TTC3: variants seen among roughly 807,000 people sequenced by gnomAD.
The protein encoded by TTC3 is E3 ubiquitin-protein ligase TTC3.
TTC3 carries 180 observed loss-of-function variants against 249.6 expected under a neutral mutation model. That is an observed-to-expected ratio of 0.72 (90% CI 0.64 to 0.82). The LOEUF is 0.82. Ranked by LOEUF, TTC3 falls within the 40% of genes least tolerant of loss-of-function variation. TTC3 has a pLI of 0.00. For missense variants in TTC3, 2,061 were observed against 2,398.4 expected (o/e 0.86, Z 2.94); for synonymous variants, 717 against 805.0 (o/e 0.89, Z 1.85).
Position 37,082,807 on chromosome 21 carries a change from CTTTAT to C in TTC3, c.-11-4435_-11-4431del, listed in dbSNP as rs1420378705. ...ACCATAACTGATGGGATCAGAAGCT[CTTTAT>C]TTTAATATTTAATTTTAGTAGTATA... On this transcript the variant is annotated intron_variant, in intron 1 of 45. Coordinates refer to ENST00000355666, the Ensembl canonical transcript of TTC3. 15 of 974,350 alleles carry C rather than the reference CTTTAT, an allele frequency of 1.5e-5. No homozygotes were observed. The East Asian group carries it at 6.8e-4, about 44-fold the overall frequency. The allele number at this position is 974,350 out of a possible 1,614,324, so 60.4% of individuals were successfully genotyped here. A position where few individuals can be genotyped will look rare whatever the true frequency, so the allele number is the denominator to read the frequency against.
At chr21:37,199,638 A>G (rs1329387491) in intron 44 of TTC3, among the ~76,000 whole-genome samples, 3 of 152,270 alleles carry the variant, frequency 2.0e-5, no homozygotes, top group Non-Finnish European at 2.9e-5. Flanking sequence ...AGAAAATAGT[A>G]AAGAAAAAGA....
intron 1 of TTC3, among the ~76,000 whole-genome samples, chr21:37,080,395 G>A (rs1400225552): frequency 2.0e-5 from 3 of 148,824 alleles, no homozygotes; most frequent in Non-Finnish European, 3.0e-5. Flanking sequence ...CTTGCTTTAT[G>A]GCCTTGTACA....
chr21:37,185,749 C>T, exon 37 of TTC3: 1 of 1,554,686 alleles, frequency 6.4e-7, no homozygotes, highest in Non-Finnish European at 8.7e-7. Flanking sequence ...ACATGAATTA[C>T]ATCTGGATCA....
intron 1 of TTC3, chr21:37,082,845 T>C: frequency 2.1e-6 from 2 of 971,330 alleles, no homozygotes; most frequent in Non-Finnish European, 2.4e-6. Context: ...ATATTTTTGT[T>C]TGATTGTATT....
chr21:37,176,519 A>G (rs1287953079), intron 35 of TTC3, among the ~76,000 whole-genome samples: 5 of 152,178 alleles, frequency 3.3e-5, no homozygotes, highest in Admixed American at 6.5e-5. Context: ...CTGTATTAGA[A>G]CAGAATCTTG....
At chr21:37,190,132 T>C (rs1253688596) in intron 39 of TTC3, among the ~76,000 whole-genome samples, 3 of 27,468 alleles carry the variant, frequency 1.1e-4, no homozygotes, top group Non-Finnish European at 1.8e-4. Flanking sequence ...TTTTCTTTCT[T>C]TTTTTTTTTT....
intron 13 of TTC3, among the ~76,000 whole-genome samples, chr21:37,124,392 C>T (rs1452479911): frequency 6.6e-6 from 1 of 152,124 alleles, no homozygotes; most frequent in Non-Finnish European, 1.5e-5. Flanking sequence ...GCTGGAATTA[C>T]AGGCGTGAAC....
At chr21:37,123,063 A>G (rs1055815300) in intron 13 of TTC3, 35 bp downstream of exon 13, 1 of 1,602,258 alleles carries the variant, frequency 6.2e-7, no homozygotes, top group Non-Finnish European at 8.6e-7. Flanking sequence ...TGCTACTACT[A>G]GGAATGGCTT....
At chr21:37,105,359 G>T (rs948199150) in intron 10 of TTC3, among the ~76,000 whole-genome samples, 6 of 152,128 alleles carry the variant, frequency 3.9e-5, no homozygotes, top group African/African-American at 1.4e-4. Context: ...TGGCACTAGG[G>T]TTGTATATTC....
chr21:37,110,800 A>G (rs1188808239), intron 11 of TTC3, among the ~76,000 whole-genome samples: 1 of 152,246 alleles, frequency 6.6e-6, no homozygotes, highest in African/African-American at 2.4e-5. Flanking sequence ...AAGGGCAGCC[A>G]GAGAGAAAGG....
chr21:37,164,055 C>A (rs1327717237), exon 32 of TTC3: 1 of 1,599,332 alleles, frequency 6.3e-7, no homozygotes, highest in Non-Finnish European at 8.5e-7. Context: ...TACCAGCAAT[C>A]GAAATTCAGA....
At chr21:37,136,688 G>T (rs529888050) in intron 18 of TTC3, among the ~76,000 whole-genome samples, 1 of 152,346 alleles carries the variant, frequency 6.6e-6, no homozygotes, top group South Asian at 2.1e-4. Context: ...TGGAGAAGCT[G>T]CAGTAAGTTA....
chr21:37,155,469 G>A (rs967790287), intron 27 of TTC3, among the ~76,000 whole-genome samples: 1 of 152,168 alleles, frequency 6.6e-6, no homozygotes. Flanking sequence ...TATTGTGTGA[G>A]TATTCTACAT....
At chr21:37,085,215 A>G (rs2072289524) in intron 1 of TTC3, among the ~76,000 whole-genome samples, 1 of 152,164 alleles carries the variant, frequency 6.6e-6, no homozygotes, top group African/African-American at 2.4e-5. Context: ...TGCCAAAAAA[A>G]TTTGTAAGAC....
chr21:37,091,353 C>A (rs746335677), exon 7 of TTC3: 10 of 1,611,440 alleles, frequency 6.2e-6, no homozygotes, highest in African/African-American at 1.3e-5. Flanking sequence ...TGTAACAATT[C>A]TAACTAAATT....
chr21:37,123,053 T>C, intron 13 of TTC3, 25 bp downstream of exon 13: 1 of 1,610,964 alleles, frequency 6.2e-7, no homozygotes, highest in Middle Eastern at 1.7e-4. Flanking sequence ...GGTCAGTAGC[T>C]GCTACTACTA....
chr21:37,126,164 A>G, intron 15 of TTC3, 21 bp downstream of exon 15: 1 of 1,605,478 alleles, frequency 6.2e-7, no homozygotes, highest in African/African-American at 1.3e-5. Flanking sequence ...TTTTTATATC[A>G]ATTGTTGCCA....
exon 9 of TTC3, chr21:37,095,377 A>G (rs1211554862): frequency 7.5e-6 from 12 of 1,608,434 alleles, no homozygotes; most frequent in Non-Finnish European, 1.0e-5. Flanking sequence ...AATGAAAGGA[A>G]ATGAAGAGTT....
At chr21:37,197,734 T>A in intron 43 of TTC3, 38 bp downstream of exon 43, 1 of 1,524,484 alleles carries the variant, frequency 6.6e-7, no homozygotes, top group Non-Finnish European at 8.8e-7. Flanking sequence ...CCTTATTTAT[T>A]TATAAAATAT....
Sources: allele counts gnomAD v4.1 joint callset (sites outside exome capture counted in the v4.1 genomes callset), GRCh38; gene constraint gnomAD v4.1.1; transcripts MANE v1.5; gene names NCBI Gene and HGNC (gene_info 2026-07-23, HGNC 2026-07-21).